GRIP1: variants seen among roughly 807,000 people sequenced by gnomAD.
GRIP1 encodes the protein glutamate receptor interacting protein 1.
A neutral mutation model predicts 129.9 loss-of-function variants in GRIP1; 45 were observed. The ratio of observed to expected loss-of-function variants is 0.35; its 90% CI spans 0.27 to 0.44. The LOEUF is 0.44. Among genes scored for constraint, GRIP1 ranks in the 20% least tolerant of loss-of-function variants. GRIP1 has a pLI of 1.00. For synonymous variants in GRIP1, 530 were observed against 520.8 expected, an observed-to-expected ratio of 1.02 and a Z score of -0.24; for missense variants, 1,196 against 1,396.8, an observed-to-expected ratio of 0.86 and a Z score of 2.29.
chr12:66,562,405 T>A (rs2062566734), intron 2 of GRIP1, among the ~76,000 whole-genome samples: 1 of 152,054 alleles, frequency 6.6e-6, no homozygotes, highest in African/African-American at 2.4e-5. Context: ...CCCCTTGGAT[T>A]TTCTTTCAAG....
intron 1 of GRIP1, among the ~76,000 whole-genome samples, chr12:66,843,525 A>C (rs1566047914): frequency 6.6e-6 from 1 of 152,150 alleles, no homozygotes; most frequent in Non-Finnish European, 1.5e-5. Context: ...AAAGACTAAC[A>C]AATCTGAAGA....
intron 1 of GRIP1, among the ~76,000 whole-genome samples, chr12:66,708,276 T>TC (rs2035601633): frequency 6.6e-6 from 1 of 151,726 alleles, no homozygotes; most frequent in African/African-American, 2.4e-5. Context: ...TAGACACAGC[T>TC]CCCCAAGGAA....
At chr12:66,428,337 T>G (rs901308766) in intron 14 of GRIP1, among the ~76,000 whole-genome samples, 1 of 152,098 alleles carries the variant, frequency 6.6e-6, no homozygotes, top group East Asian at 1.9e-4. Flanking sequence ...CAGGAACCAA[T>G]CTCTTCTAAA....
intron 5 of GRIP1, among the ~76,000 whole-genome samples, chr12:66,522,293 T>G (rs1055306785): frequency 3.3e-5 from 5 of 152,188 alleles, no homozygotes; most frequent in Non-Finnish European, 7.3e-5. Flanking sequence ...GGTACTCCTC[T>G]TAGACAAAAC....
chr12:67,024,133 A>AC (rs5798853), intron 1 of GRIP1, among the ~76,000 whole-genome samples: 48,192 of 151,996 alleles, frequency 0.32, 8,223 homozygotes, highest in Admixed American at 0.39. Flanking sequence ...ACAAATAGTT[A>AC]AAATTATCAA....
At chr12:66,545,524 G>GA (rs1385127881) in intron 2 of GRIP1, among the ~76,000 whole-genome samples, 2 of 152,130 alleles carry the variant, frequency 1.3e-5, no homozygotes, top group Non-Finnish European at 2.9e-5. Flanking sequence ...AAAATCCCTG[G>GA]AAAAAACTTA....
intron 1 of GRIP1, among the ~76,000 whole-genome samples, chr12:66,799,279 A>G (rs773225938): frequency 1.2e-4 from 19 of 152,176 alleles, no homozygotes; most frequent in Non-Finnish European, 2.8e-4. Context: ...CAAATATACT[A>G]TAGATGGAAA....
intron 7 of GRIP1, among the ~76,000 whole-genome samples, chr12:66,469,355 C>G (rs1331472013): frequency 6.6e-6 from 1 of 152,120 alleles, no homozygotes; most frequent in Non-Finnish European, 1.5e-5. Flanking sequence ...TATACAGTAG[C>G]TAGAATCTAA....
intron 1 of GRIP1, among the ~76,000 whole-genome samples, chr12:66,621,143 G>A (rs2065250022): frequency 1.3e-5 from 2 of 152,036 alleles, no homozygotes; most frequent in Admixed American, 6.6e-5. Flanking sequence ...CAATTTTTAA[G>A]TATACAGTTC....
intron 1 of GRIP1, among the ~76,000 whole-genome samples, chr12:66,913,010 C>T (rs972048263): frequency 1.2e-4 from 18 of 152,222 alleles, no homozygotes; most frequent in Non-Finnish European, 2.1e-4. Flanking sequence ...GCAAAATTAA[C>T]ACTCCATTAT....
Position 66,445,257 on chromosome 12 carries a change from A to G in GRIP1, c.1541+65T>C. On this transcript the variant is annotated intron_variant, in intron 12 of 24. Transcript: ENST00000359742. ...AGCAATGTTTCATAATTTACTAGCC[A>G]TTCAAAGATAGCAGGTACCAGAAAC... 9 of 1,251,206 alleles carry G rather than the reference A, an allele frequency of 7.2e-6. No homozygotes were observed. In the South Asian group the frequency reaches 8.4e-5, roughly 12 times the overall value. 77.5% of individuals were successfully genotyped at this position (1,251,206 alleles called of 1,614,324 possible).
intron 1 of GRIP1, among the ~76,000 whole-genome samples, chr12:66,932,235 C>A (rs1179120631): frequency 1.3e-5 from 2 of 152,122 alleles, no homozygotes; most frequent in East Asian, 3.9e-4. Context: ...TGAGCTACAA[C>A]CCCAAAGAAA....
chr12:66,701,572 A>G (rs967383387), intron 1 of GRIP1, among the ~76,000 whole-genome samples: 30 of 152,298 alleles, frequency 2.0e-4, no homozygotes, highest in Middle Eastern at 3.4e-3. Context: ...GCCCATAGAA[A>G]GGCTTCTCCA....
intron 1 of GRIP1, among the ~76,000 whole-genome samples, chr12:66,827,387 T>TGTGTGTGTGTGTGTGAGA (rs755458052): frequency 9.2e-6 from 1 of 108,226 alleles, no homozygotes; most frequent in African/African-American, 3.6e-5. Flanking sequence ...TGTGTGTGTG[T>TGTGTGTGTGTGTGTGAGA]GAGAGAGAGA....
intron 1 of GRIP1, among the ~76,000 whole-genome samples, chr12:66,949,268 G>T (rs1049243346): frequency 2.0e-5 from 3 of 152,188 alleles, no homozygotes; most frequent in Non-Finnish European, 2.9e-5. Context: ...GCAGAGGGAT[G>T]TATGTTAACC....
At chr12:66,725,240 T>C (rs2036215005) in intron 1 of GRIP1, among the ~76,000 whole-genome samples, 1 of 151,996 alleles carries the variant, frequency 6.6e-6, no homozygotes, top group Non-Finnish European at 1.5e-5. Context: ...GAGGTCAAGG[T>C]TGCAGTGAGT....
At chr12:66,980,969 T>C (rs530669162) in intron 1 of GRIP1, among the ~76,000 whole-genome samples, 5 of 152,232 alleles carry the variant, frequency 3.3e-5, no homozygotes, top group Admixed American at 2.6e-4. Context: ...ATGTTTAACA[T>C]AGCTGAATCC....
chr12:66,535,361 T>TAAA (rs72386203), intron 4 of GRIP1, among the ~76,000 whole-genome samples: 2 of 146,658 alleles, frequency 1.4e-5, no homozygotes, highest in Non-Finnish European at 1.5e-5. Context: ...CATTTAAAGT[T>TAAA]AAAAAAAAAA....
intron 1 of GRIP1, among the ~76,000 whole-genome samples, chr12:66,911,500 A>C (rs1039535207): frequency 3.9e-5 from 6 of 152,078 alleles, no homozygotes; most frequent in Non-Finnish European, 7.4e-5. Flanking sequence ...TTATTATATC[A>C]TGGCTCCATG....
Sources: gnomAD v4.1 joint callset for allele counts (sites outside exome capture counted in the v4.1 genomes callset) on GRCh38, gnomAD v4.1.1 for gene constraint, MANE v1.5 for transcripts, NCBI Gene and HGNC (gene_info 2026-07-23, HGNC 2026-07-21) for gene names.